The following LRP1B variants were observed in gnomAD, a reference collection of about 807,000 sequenced individuals.
LRP1B encodes LDL receptor related protein 1B, also known as low-density lipoprotein receptor-related protein 1B.
In LRP1B, 217 loss-of-function variants were observed where a neutral mutation model predicts 556.6. The ratio of observed to expected loss-of-function variants is 0.39; its 90% CI spans 0.35 to 0.44. The LOEUF (loss-of-function observed/expected upper bound fraction) is 0.44. LRP1B is among the 20% of genes least tolerant of loss of function. The pLI is 1.00. For missense variants in LRP1B, 5,053 were observed against 5,620.8 expected (o/e 0.90, Z 3.23); for synonymous variants, 2,047 against 1,865.8 (o/e 1.10, Z -2.50).
chr2:141,367,484 T>G, intron 3 of LRP1B, among the ~76,000 whole-genome samples: 1 of 128,614 alleles, frequency 7.8e-6, no homozygotes, highest in East Asian at 2.2e-4. Flanking sequence ...TTTTTTTTTT[T>G]TTTTTTTTTT....
intron 2 of LRP1B, among the ~76,000 whole-genome samples, chr2:141,653,578 T>C (rs1216007437): frequency 6.6e-6 from 1 of 152,196 alleles, no homozygotes; most frequent in Non-Finnish European, 1.5e-5. Flanking sequence ...TCCACTAACA[T>C]ATTCTAGTAT....
At chr2:141,709,365 T>TAAATAA (rs1692270780) in intron 2 of LRP1B, among the ~76,000 whole-genome samples, 1 of 147,954 alleles carries the variant, frequency 6.8e-6, no homozygotes, top group Admixed American at 6.7e-5. Context: ...TAAAAGAAAA[T>TAAATAA]AAATAAAATA....
rs548413432 is a variant in LRP1B at position 140,251,125 on chromosome 2, T to C, written c.13248-3963A>G. Among the ~76,000 whole-genome samples, 9 of 151,972 alleles carry C rather than the reference T, an allele frequency of 5.9e-5. No homozygotes were observed. The South Asian group carries it at 1.9e-3, about 31-fold the overall frequency. On this transcript the variant is annotated intron_variant, in intron 86 of 90. Transcript: ENST00000389484. ...GTTTCAATTATAATTTTCTGTAGCATAGGGGAATAACTTCGTATAAAAGCT... is the reference window on the plus strand; with the variant it reads ...GTTTCAATTATAATTTTCTGTAGCACAGGGGAATAACTTCGTATAAAAGCT...
At chr2:140,596,096 T>C (rs1455267482) in intron 43 of LRP1B, among the ~76,000 whole-genome samples, 1 of 152,168 alleles carries the variant, frequency 6.6e-6, no homozygotes, top group African/African-American at 2.4e-5. Flanking sequence ...AAAATTCTTA[T>C]ATAACAGGCC....
intron 2 of LRP1B, among the ~76,000 whole-genome samples, chr2:141,535,613 G>A (rs1685045761): frequency 6.6e-6 from 1 of 151,570 alleles, no homozygotes; most frequent in South Asian, 2.1e-4. Context: ...AAAAACTAAA[G>A]CAAGTTAACA....
intron 71 of LRP1B, among the ~76,000 whole-genome samples, chr2:140,365,830 A>T (rs1682736853): frequency 1.3e-5 from 2 of 151,670 alleles, no homozygotes; most frequent in South Asian, 4.1e-4. Context: ...ACATATTTAA[A>T]CACACATACA....
At chr2:140,490,472 G>C (rs1303403824) in intron 57 of LRP1B, among the ~76,000 whole-genome samples, 1 of 152,086 alleles carries the variant, frequency 6.6e-6, no homozygotes, top group East Asian at 1.9e-4. Flanking sequence ...AATAAAATTT[G>C]TGATATTAGA....
chr2:141,363,604 A>G (rs574775280), intron 3 of LRP1B, among the ~76,000 whole-genome samples: 2 of 152,152 alleles, frequency 1.3e-5, no homozygotes, highest in Non-Finnish European at 2.9e-5. Flanking sequence ...AGGAAATATC[A>G]TTTAATATTT....
At chr2:140,607,170 CTGA>C (rs1326268855) in intron 41 of LRP1B, among the ~76,000 whole-genome samples, 37 of 152,148 alleles carry the variant, frequency 2.4e-4, no homozygotes, top group African/African-American at 7.5e-4. Flanking sequence ...ACACAAATGA[CTGA>C]TGAACACATA....
chr2:141,317,235 C>T (rs1687067667), intron 3 of LRP1B, among the ~76,000 whole-genome samples: 1 of 152,090 alleles, frequency 6.6e-6, no homozygotes, highest in South Asian at 2.1e-4. Flanking sequence ...TGTTAGTTGC[C>T]ATAACAAAAT....
chr2:140,715,340 T>G (rs7560453), intron 37 of LRP1B, among the ~76,000 whole-genome samples: 2,530 of 152,092 alleles, frequency 0.017, 65 homozygotes, highest in African/African-American at 0.059. Context: ...CAAATTTAAT[T>G]AGGGTAAAGA....
At chr2:140,988,282 C>T (rs1305047666) in intron 17 of LRP1B, among the ~76,000 whole-genome samples, 1 of 151,934 alleles carries the variant, frequency 6.6e-6, no homozygotes, top group African/African-American at 2.4e-5. Flanking sequence ...AGGTCCTTTT[C>T]TCTTAGAAAG....
intron 3 of LRP1B, among the ~76,000 whole-genome samples, chr2:141,464,594 A>ATTTTTTTTTTTTTT (rs1559084708): frequency 8.6e-5 from 3 of 34,772 alleles, no homozygotes; most frequent in African/African-American, 1.9e-4. Flanking sequence ...GTATATATAT[A>ATTTTTTTTTTTTTT]TATATATATA....
chr2:141,469,265 G>A (rs1355063685), intron 3 of LRP1B, among the ~76,000 whole-genome samples: 1 of 152,190 alleles, frequency 6.6e-6, no homozygotes, highest in Non-Finnish European at 1.5e-5. Flanking sequence ...TGTTTGATCT[G>A]ATTCTGAAAA....
At chr2:140,498,343 T>C (rs1325473911) in intron 55 of LRP1B, among the ~76,000 whole-genome samples, 1 of 151,890 alleles carries the variant, frequency 6.6e-6, no homozygotes, top group African/African-American at 2.4e-5. Context: ...ATGACAAATA[T>C]TGATCATTTT....
intron 57 of LRP1B, among the ~76,000 whole-genome samples, chr2:140,491,529 A>G (rs1481348234): frequency 6.6e-6 from 1 of 152,126 alleles, no homozygotes; most frequent in African/African-American, 2.4e-5. Flanking sequence ...ATAATTTTTA[A>G]TATCTTATAA....
intron 54 of LRP1B, 89 bp from the exon 55 acceptor site, chr2:140,501,963 T>C: frequency 1.2e-6 from 1 of 857,506 alleles, no homozygotes; most frequent in Non-Finnish European, 1.7e-6. Flanking sequence ...TATCATTAAC[T>C]CAGGTGTCAA....
intron 20 of LRP1B, among the ~76,000 whole-genome samples, chr2:140,943,879 A>T (rs992558443): frequency 6.6e-6 from 1 of 152,128 alleles, no homozygotes; most frequent in Admixed American, 6.6e-5. Flanking sequence ...TCAAGAACAA[A>T]TCAATCCAAA....
chr2:140,269,552 C>T (rs558644191), intron 86 of LRP1B, among the ~76,000 whole-genome samples: 1 of 152,106 alleles, frequency 6.6e-6, no homozygotes, highest in Non-Finnish European at 1.5e-5. Flanking sequence ...AGGTCGGGAG[C>T]AGGATGCAGA....
Sources: gnomAD v4.1 joint callset for allele counts (sites outside exome capture counted in the v4.1 genomes callset) on GRCh38, gnomAD v4.1.1 for gene constraint, MANE v1.5 for transcripts, NCBI Gene and HGNC (gene_info 2026-07-23, HGNC 2026-07-21) for gene names.